ZNF654: variants seen among roughly 807,000 people sequenced by gnomAD.
ZNF654 encodes the protein melanoma-associated antigen.
Under a neutral mutation model 95.3 loss-of-function variants are expected in ZNF654, and 19 were observed. The ratio of observed to expected loss-of-function variants is 0.20; its 90% CI spans 0.14 to 0.29. ZNF654 has a LOEUF of 0.29. ZNF654 is among the 10% of genes least tolerant of loss of function. ZNF654 has a pLI of 1.00. For synonymous variants in ZNF654, 413 were observed against 457.9 expected (o/e 0.90, Z 1.25); for missense variants, 1,046 against 1,341.0 (o/e 0.78, Z 3.44).
chr3:88,111,260 G>T (rs1315973563), intron 2 of ZNF654, among the ~76,000 whole-genome samples: 1 of 152,034 alleles, frequency 6.6e-6, no homozygotes, highest in African/African-American at 2.4e-5. Context: ...ATTACAAAAC[G>T]ATTAATAACG....
At chr3:88,061,189 A>G (rs1353837490) in intron 1 of ZNF654, among the ~76,000 whole-genome samples, 2 of 152,124 alleles carry the variant, frequency 1.3e-5, no homozygotes, top group African/African-American at 2.4e-5. Context: ...TTAGGATACA[A>G]TTTATATTTT....
chr3:88,126,650 T>C (rs1254370150), intron 4 of ZNF654, among the ~76,000 whole-genome samples: 1 of 148,856 alleles, frequency 6.7e-6, no homozygotes, highest in Non-Finnish European at 1.5e-5. Flanking sequence ...GGAATCTCAC[T>C]TCCCTTACAC....
intron 7 of ZNF654, among the ~76,000 whole-genome samples, chr3:88,138,244 TAATAA>T (rs1346791103): frequency 2.6e-5 from 4 of 152,158 alleles, no homozygotes; most frequent in Non-Finnish European, 5.9e-5. Flanking sequence ...TATAGCACTA[TAATAA>T]AAGTTCCCAT....
intron 6 of ZNF654, among the ~76,000 whole-genome samples, chr3:88,132,334 G>T (rs1576343534): frequency 6.6e-6 from 1 of 152,128 alleles, no homozygotes; most frequent in South Asian, 2.1e-4. Context: ...AGTTAATAGG[G>T]TCTTTTATTA....
At position 88,126,171 on chromosome 3, in the gene ZNF654, A is replaced by G. The variant is rs1706087740; in HGVS notation, c.452A>G (p.Asn151Ser). 5 of 1,524,194 alleles carry G rather than the reference A, an allele frequency of 3.3e-6. No individual in the cohort carries two copies. The highest frequency in any genetic ancestry group is 4.4e-6 in the Non-Finnish European group (5 of 1,139,364). 94.4% of individuals were successfully genotyped at this position (1,524,194 alleles called of 1,614,324 possible). ...CACCTCCGCAGATATGGAAATGTGAATCTGGAACTGGTGACTCGAATCATT... is the reference window on the plus strand; with the variant it reads ...CACCTCCGCAGATATGGAAATGTGAGTCTGGAACTGGTGACTCGAATCATT... ...QNHLRRYGNV[N>S]LELVTRIIRD... Residue 151 changes from asparagine to serine, a missense_variant, in exon 4 of 9, where the codon AAT (asparagine) becomes AGT (serine). Asn to Ser is a conservative substitution (Grantham distance 46, BLOSUM62 1). Around this residue, in one of 9 missense-constraint regions of ZNF654, gnomAD observed 91 missense variants for 190.5 expected, o/e 0.48. Coordinates refer to ENST00000636215, the MANE Select transcript of ZNF654 (RefSeq NM_001350134.2).
intron 2 of ZNF654, chr3:88,095,641 C>T: frequency 2.0e-6 from 1 of 504,596 alleles, no homozygotes; most frequent in Non-Finnish European, 4.0e-6. Context: ...AAGCCCCAAG[C>T]AATATCATCA....
chr3:88,110,324 C>G (rs1434910500), intron 2 of ZNF654, among the ~76,000 whole-genome samples: 1 of 151,994 alleles, frequency 6.6e-6, no homozygotes, highest in East Asian at 1.9e-4. Flanking sequence ...AGGCTGTCTG[C>G]CTATAATAGG....
Position 88,139,765 on chromosome 3 carries a change from A to C in ZNF654, c.2096A>C (p.Asp699Ala). ...AAGCCTTTAACTGAATGTGGGGATG[A>C]TTATGAGGAGGAAGAGGATGAAGAA... ...VFKPLTECGD[D>A]YEEEEDEEGD... Residue 699 changes from aspartate to alanine, a missense_variant, in exon 8 of 9, where the codon GAT (aspartate) becomes GCT (alanine). Transcript: ENST00000636215. 6.4e-7 allele frequency: 1 copy of C among 1,554,462 alleles called. No individual in the cohort carries two copies. Among genetic ancestry groups the C allele is most frequent in the Non-Finnish European group, 8.7e-7 (1 of 1,148,270 alleles).
intron 1 of ZNF654, among the ~76,000 whole-genome samples, chr3:88,069,446 C>T (rs1369098328): frequency 2.0e-5 from 3 of 152,100 alleles, no homozygotes; most frequent in South Asian, 2.1e-4. Context: ...TGATTCTCAA[C>T]TCTTAGTCCA....
intron 2 of ZNF654, among the ~76,000 whole-genome samples, chr3:88,090,004 A>C (rs1370684816): frequency 1.3e-5 from 2 of 152,200 alleles, no homozygotes; most frequent in African/African-American, 2.4e-5. Context: ...TGCTGGTGTA[A>C]ACAAACCTAC....
intron 3 of ZNF654, among the ~76,000 whole-genome samples, chr3:88,122,188 A>G (rs1705809691): frequency 6.6e-6 from 1 of 152,176 alleles, no homozygotes; most frequent in East Asian, 1.9e-4. Context: ...AGATACGTTC[A>G]TGGAAGTTGT....
intron 6 of ZNF654, among the ~76,000 whole-genome samples, chr3:88,131,039 C>G (rs1706427667): frequency 6.6e-6 from 1 of 152,016 alleles, no homozygotes; most frequent in East Asian, 1.9e-4. Flanking sequence ...TGTCAATAGG[C>G]AGTTTCCTTG....
chr3:88,061,965 A>C (rs1706912121), intron 1 of ZNF654, among the ~76,000 whole-genome samples: 1 of 152,110 alleles, frequency 6.6e-6, no homozygotes, highest in Non-Finnish European at 1.5e-5. Context: ...TATGAATCAA[A>C]ATTTCTTGGC....
intron 2 of ZNF654, among the ~76,000 whole-genome samples, chr3:88,094,452 G>C (rs893093906): frequency 6.6e-6 from 1 of 152,076 alleles, no homozygotes; most frequent in Non-Finnish European, 1.5e-5. Flanking sequence ...AAAGTGATCA[G>C]GGGAAAAGAA....
intron 1 of ZNF654, among the ~76,000 whole-genome samples, chr3:88,066,024 G>A (rs1188518563): frequency 1.3e-5 from 2 of 152,200 alleles, no homozygotes; most frequent in Non-Finnish European, 2.9e-5. Context: ...ATGAGCTACC[G>A]CGCCTAGCCC....
rs1706961629 is a variant in ZNF654, at chr3:88,138,908, G to A, written c.1239G>A (p.Glu413=). 2 of 1,234,986 alleles carry A rather than the reference G, an allele frequency of 1.6e-6. No homozygotes were observed. The highest frequency in any genetic ancestry group is 3.1e-4 in the Middle Eastern group (1 of 3,218). The allele number at this position is 1,234,986 out of a possible 1,614,324, so 76.5% of individuals were successfully genotyped here. A position where few individuals can be genotyped will look rare whatever the true frequency, so the allele number is the denominator to read the frequency against. Residue 413 remains glutamate (E), a synonymous_variant, in exon 8 of 9, where the codon GAG becomes GAA. Transcript: ENST00000636215. ...RSLEAYRTVE[E]LYKRPDEEYN... is the part of the protein sequence containing the mutation. ...TAGAAGCGTATCGTACTGTTGAAGA[G>A]CTTTACAAACGTCCAGATGAAGAAT... is the stretch of plus-strand genomic sequence containing the variant.
intron 2 of ZNF654, among the ~76,000 whole-genome samples, chr3:88,091,527 A>T (rs992269439): frequency 3.9e-5 from 6 of 152,144 alleles, no homozygotes; most frequent in Non-Finnish European, 8.8e-5. Context: ...TACAACTTTC[A>T]AAAGTTCTTT....
intron 1 of ZNF654, among the ~76,000 whole-genome samples, chr3:88,080,661 C>CAA (rs1340838773): frequency 6.6e-6 from 1 of 152,052 alleles, no homozygotes; most frequent in Non-Finnish European, 1.5e-5. Context: ...TTCCATCTGA[C>CAA]TCTTAACCAT....
intron 2 of ZNF654, among the ~76,000 whole-genome samples, chr3:88,104,130 C>A (rs778785574): frequency 1.3e-5 from 2 of 152,062 alleles, no homozygotes; most frequent in Non-Finnish European, 2.9e-5. Flanking sequence ...TGAGGTAATT[C>A]ATTTCTGGCA....
Sources: allele counts gnomAD v4.1 joint callset (sites outside exome capture counted in the v4.1 genomes callset), GRCh38; gene constraint gnomAD v4.1.1; regional missense constraint gnomAD v4.1.1; transcripts MANE v1.5; gene names NCBI Gene and HGNC (gene_info 2026-07-23, HGNC 2026-07-21).